ANO3: variants seen among roughly 807,000 people sequenced by gnomAD.
ANO3 encodes the protein anoctamin-3.
A neutral mutation model predicts 144.8 loss-of-function variants in ANO3; 99 were observed. The ratio of observed to expected loss-of-function variants is 0.68; its 90% CI spans 0.58 to 0.81. ANO3 has a LOEUF of 0.81. Ranked by LOEUF, ANO3 falls within the 30% of genes least tolerant of loss-of-function variation. The probability of loss-of-function intolerance (pLI) is 0.00; values close to 1 mark genes in which losing one functional copy is unlikely to be tolerated. For synonymous variants in ANO3, 414 were observed against 392.6 expected, an observed-to-expected ratio of 1.05 and a Z score of -0.64; for missense variants, 905 against 1,202.2, an observed-to-expected ratio of 0.75 and a Z score of 3.66.
intron 1 of ANO3, among the ~76,000 whole-genome samples, chr11:26,338,612 T>C (rs1855259409): frequency 6.6e-6 from 1 of 152,194 alleles, no homozygotes; most frequent in Admixed American, 6.5e-5. Context: ...TGCTCAGTCT[T>C]TGGGTCCGCA....
At chr11:26,210,341 A>G (rs1851906499) in intron 1 of ANO3, among the ~76,000 whole-genome samples, 1 of 152,144 alleles carries the variant, frequency 6.6e-6, no homozygotes, top group Non-Finnish European at 1.5e-5. Context: ...CCACTGGACT[A>G]TGTATCTGTG....
rs369602471 is a variant in ANO3 at position 26,378,438 on chromosome 11, CT to C, written c.46+46118del. Among the ~76,000 whole-genome samples, 177 of 70,280 alleles carry C rather than the reference CT, an allele frequency of 2.5e-3. 2 individuals are homozygous for C. The East Asian group carries it at 0.031, about 12-fold the overall frequency. The allele number at this position is 70,280 out of a possible 152,430, so 46.1% of individuals were successfully genotyped here. On this transcript the variant is annotated intron_variant, in intron 1 of 26. Coordinates refer to ENST00000256737, the MANE Select transcript of ANO3 (RefSeq NM_031418.4). ...TATTATTTATCTATCTATCTATCAT[CT>C]ATCTATCTATCTATATAGACTAGTT...
chr11:26,198,621 CGT>C (rs1240962929), intron 1 of ANO3, among the ~76,000 whole-genome samples: 2 of 152,122 alleles, frequency 1.3e-5, no homozygotes, highest in Non-Finnish European at 2.9e-5. Context: ...AGCATTCATT[CGT>C]GTGTTTGTCA....
intron 1 of ANO3, among the ~76,000 whole-genome samples, chr11:26,301,889 C>T (rs1399585984): frequency 2.0e-5 from 3 of 152,152 alleles, no homozygotes; most frequent in African/African-American, 7.2e-5. Flanking sequence ...TTTACATTAT[C>T]AACTCATTTC....
intron 1 of ANO3, among the ~76,000 whole-genome samples, chr11:26,384,669 C>T (rs531196366): frequency 1.3e-5 from 2 of 152,178 alleles, no homozygotes; most frequent in Non-Finnish European, 2.9e-5. Context: ...CCCCATTGTT[C>T]CTGTAATATA....
At chr11:26,313,436 C>T (rs1388718132) in intron 1 of ANO3, among the ~76,000 whole-genome samples, 3 of 152,108 alleles carry the variant, frequency 2.0e-5, no homozygotes, top group African/African-American at 4.8e-5. Context: ...CCTCTAATCC[C>T]AGCACTTTGG....
At chr11:26,386,341 T>C (rs1003861676) in intron 1 of ANO3, among the ~76,000 whole-genome samples, 1 of 152,196 alleles carries the variant, frequency 6.6e-6, no homozygotes, top group Non-Finnish European at 1.5e-5. Context: ...TAAATGGTGA[T>C]GAAAGATCAC....
At chr11:26,436,983 G>C (rs914825556) in intron 1 of ANO3, among the ~76,000 whole-genome samples, 1 of 152,116 alleles carries the variant, frequency 6.6e-6, no homozygotes, top group Admixed American at 6.5e-5. Flanking sequence ...CCCAGAGCCA[G>C]AGGGCATCAA....
chr11:26,291,961 G>T, intron 1 of ANO3, among the ~76,000 whole-genome samples: 1 of 152,108 alleles, frequency 6.6e-6, no homozygotes, highest in East Asian at 1.9e-4. Context: ...GACCTGCCTT[G>T]CTAGGTTGGG....
intron 1 of ANO3, among the ~76,000 whole-genome samples, chr11:26,429,657 C>T (rs1279216313): frequency 6.6e-6 from 1 of 152,040 alleles, no homozygotes; most frequent in African/African-American, 2.4e-5. Flanking sequence ...ATACAGGAGT[C>T]ATACATAAAA....
intron 1 of ANO3, among the ~76,000 whole-genome samples, chr11:26,220,751 T>A (rs1174890076): frequency 6.6e-6 from 1 of 152,154 alleles, no homozygotes; most frequent in Non-Finnish European, 1.5e-5. Flanking sequence ...TTCTGACAGG[T>A]CCCTAGTAAG....
intron 1 of ANO3, among the ~76,000 whole-genome samples, chr11:26,342,916 T>C (rs990041737): frequency 3.3e-5 from 5 of 152,206 alleles, no homozygotes; most frequent in African/African-American, 1.2e-4. Flanking sequence ...TGTTTTGACA[T>C]ACACATACTT....
At chr11:26,218,793 C>T (rs187555425) in intron 1 of ANO3, among the ~76,000 whole-genome samples, 69 of 152,144 alleles carry the variant, frequency 4.5e-4, no homozygotes, top group African/African-American at 1.6e-3. Context: ...TAGCCCATAA[C>T]ATGGCACATG....
chr11:26,498,897 AGAC>A, intron 4 of ANO3, among the ~76,000 whole-genome samples: 1 of 152,116 alleles, frequency 6.6e-6, no homozygotes, highest in South Asian at 2.1e-4. Flanking sequence ...AAAATGTAAC[AGAC>A]ATTGCTTTTA....
chr11:26,545,794 C>T (rs1456770913), intron 11 of ANO3, among the ~76,000 whole-genome samples: 1 of 151,674 alleles, frequency 6.6e-6, no homozygotes, highest in African/African-American at 2.4e-5. Flanking sequence ...CCTCTTCCTC[C>T]CTCTTCCTCC....
At position 26,641,919 on chromosome 11, in the gene ANO3, G is replaced by A. The variant is rs781403393; in HGVS notation, c.2165G>A (p.Arg722Gln). 7 of 1,613,742 alleles carry A rather than the reference G, an allele frequency of 4.3e-6. No homozygotes were observed. The highest frequency in any genetic ancestry group is 2.2e-5 in the East Asian group (1 of 44,852). Residue 722 changes from arginine (R) to glutamine (Q), a missense_variant, in exon 22 of 27, where the codon CGA (arginine) becomes CAA (glutamine). Physicochemically the swap from Arg to Gln is conservative, Grantham distance 43. This residue lies in a region of ANO3 where 597 missense variants were observed against 865.1 expected (regional missense o/e 0.69). Coordinates refer to ENST00000256737, the MANE Select transcript of ANO3 (RefSeq NM_031418.4). ...AGGTTGATCCAGAACTGGTGGTCAC[G>A]ACATAAAATCAAGCGGGGAATACAT... ...GYPLIQNWWS[R>Q]HKIKRGIHDA...
chr11:26,268,602 T>C (rs185561655), intron 1 of ANO3, among the ~76,000 whole-genome samples: 22 of 152,242 alleles, frequency 1.4e-4, no homozygotes, highest in Admixed American at 8.5e-4. Flanking sequence ...TACTTACTTA[T>C]TGGCTTTTCA....
At chr11:26,389,958 G>T (rs1335057495) in intron 1 of ANO3, among the ~76,000 whole-genome samples, 1 of 152,046 alleles carries the variant, frequency 6.6e-6, no homozygotes, top group Non-Finnish European at 1.5e-5. Context: ...AGGATGTTAA[G>T]TATGTATGTA....
At position 26,433,633 on chromosome 11, in the gene ANO3, C is replaced by T. The variant is rs140512759; in HGVS notation, c.47-8285C>T. Among the ~76,000 whole-genome samples the T allele has an allele frequency of 7.5e-3, 1,138 of 152,246 alleles. 4 individuals carry two copies. Among genetic ancestry groups the T allele is most frequent in the Middle Eastern group, 0.014 (4 of 294 alleles). On this transcript the variant is annotated intron_variant, in intron 1 of 26. Transcript: ENST00000256737. ...ATATTGAATTTTATTGAAAGCCTTT[C>T]TGCATCTATTGAGATAATTTAAAAA...
Sources: allele counts gnomAD v4.1 joint callset (sites outside exome capture counted in the v4.1 genomes callset), GRCh38; gene constraint gnomAD v4.1.1; regional missense constraint gnomAD v4.1.1; transcripts MANE v1.5; gene names NCBI Gene and HGNC (gene_info 2026-07-23, HGNC 2026-07-21).